The following GCN1 variants were observed in gnomAD, a reference collection of about 807,000 sequenced individuals.
GCN1 encodes the protein GCN1 activator of EIF2AK4.
GCN1 carries 90 observed loss-of-function variants against 288.4 expected under a neutral mutation model. The observed-to-expected ratio is 0.31, with a 90% CI of 0.26 to 0.37. The LOEUF (loss-of-function observed/expected upper bound fraction) is 0.37, where lower values mean the gene tolerates loss of function less well. Among genes scored for constraint, GCN1 ranks in the 10% least tolerant of loss-of-function variants. The pLI is 1.00. For synonymous variants in GCN1, 1,386 were observed against 1,420.2 expected (o/e 0.98, Z 0.54); for missense variants, 2,586 against 3,419.9 (o/e 0.76, Z 6.08).
chr12:120,160,413 A>G, intron 22 of GCN1, 158 bp from the exon 23 acceptor site: 1 of 609,786 alleles, frequency 1.6e-6, no homozygotes, highest in Non-Finnish European at 2.9e-6. Context: ...AACCTCCCAC[A>G]AAGTCCACAG....
At chr12:120,157,069 C>G in intron 26 of GCN1, 77 bp from the exon 27 acceptor site, 3 of 885,898 alleles carry the variant, frequency 3.4e-6, no homozygotes, top group Admixed American at 1.9e-5. Flanking sequence ...GCAGGGCATC[C>G]TCTCACCCAC....
In GCN1 at chr12:120,153,941, G is replaced by A. The variant is rs1273406231; in HGVS notation, c.3702-32C>T. On this transcript the variant is annotated intron_variant, in intron 31 of 57. Transcript: ENST00000300648. The surrounding 1 kb of genome is among the most constrained non-coding windows in gnomAD (Gnocchi z 4.4). ...AAGAAGTGGGAGCACATCAGGAGGG[G>A]CAGTCAGGGGGCCTCCTCTGCCAGT... is the stretch of plus-strand genomic sequence containing the variant. The A allele has an allele frequency of 1.3e-6, 2 of 1,591,272 alleles. No individual in the cohort carries two copies. Among genetic ancestry groups the A allele is most frequent in the South Asian group, 2.2e-5 (2 of 89,160 alleles).
chr12:120,172,612 C>T (rs7312238), intron 14 of GCN1, among the ~76,000 whole-genome samples: 3,798 of 152,068 alleles, frequency 0.025, 162 homozygotes, highest in African/African-American at 0.085. Context: ...TGGGCTCAAG[C>T]GATTCTCCTG....
At chr12:120,136,821 C>T (rs566092339) in intron 50 of GCN1, 89 bp from the exon 51 acceptor site, 1 of 875,060 alleles carries the variant, frequency 1.1e-6, no homozygotes, top group East Asian at 2.6e-5. Flanking sequence ...TGACAGCTGT[C>T]CTCCCCTCAA....
chr12:120,181,138 G>A (rs1318389585), intron 5 of GCN1, among the ~76,000 whole-genome samples: 2 of 152,074 alleles, frequency 1.3e-5, no homozygotes, highest in Admixed American at 6.6e-5. Context: ...AAAACCGTAA[G>A]CAACAGAGGA....
chr12:120,148,207 G>A lies in GCN1; in HGVS notation c.4686C>T (p.Leu1562=), dbSNP rs765861150. Reference sequence around the variant, plus strand: ...TCCTGATAACGGAGCCGATCTGCCTGAGCGCCTGCTGTCCAGCCTTCTGGA... The same window carrying A: ...TCCTGATAACGGAGCCGATCTGCCTAAGCGCCTGCTGTCCAGCCTTCTGGA... ...VKVQKAGQQA[L]RQIGSVIRNP... is the part of the protein sequence containing the mutation. The change falls in exon 37 of 58, where the codon CTC becomes CTT. Residue 1562 remains leucine (L), a synonymous_variant. Coordinates refer to ENST00000300648, the MANE Select transcript of GCN1 (RefSeq NM_006836.2). 6.2e-6 allele frequency: 10 copies of A among 1,614,000 alleles called. No homozygotes were observed. Among genetic ancestry groups the A allele is most frequent in the Non-Finnish European group, 8.5e-6 (10 of 1,179,960 alleles).
chr12:120,145,764 A>G (rs995896160), intron 38 of GCN1, among the ~76,000 whole-genome samples: 3 of 152,240 alleles, frequency 2.0e-5, no homozygotes, highest in African/African-American at 4.8e-5. Context: ...TTTTAAATAC[A>G]GAAAATGCCT....
Position 120,162,891 on chromosome 12 carries a change from C to A in GCN1, c.2119G>T (p.Asp707Tyr). Residue 707 changes from aspartate to tyrosine, a missense_variant, in exon 20 of 58, where the codon GAT becomes TAT. By Grantham distance (160) the Asp-to-Tyr change is radical. Around this residue, in one of 8 missense-constraint regions of GCN1, gnomAD observed 913 missense variants for 1,107.0 expected, o/e 0.82. Transcript: ENST00000300648. ...DPEAFITRHL[D>Y]QIIPRMTTQS... ...GTGGTCATCCTGGGAATGATCTGATCCAGGTGCCTGGTGATAAAGGCTTCA... is the reference window on the plus strand; with the variant it reads ...GTGGTCATCCTGGGAATGATCTGATACAGGTGCCTGGTGATAAAGGCTTCA... The A allele has an allele frequency of 6.2e-7, 1 of 1,614,166 alleles. No homozygotes were observed. The highest frequency in any genetic ancestry group is 1.1e-5 in the South Asian group (1 of 91,088).
At chr12:120,157,250 T>C (rs541432824) in intron 26 of GCN1, 4 of 452,846 alleles carry the variant, frequency 8.8e-6, no homozygotes, top group African/African-American at 5.9e-5. Flanking sequence ...CGTAAATATA[T>C]GAAGAGACAC....
chr12:120,135,867 T>A (rs1368206666), intron 51 of GCN1, among the ~76,000 whole-genome samples: 2 of 151,826 alleles, frequency 1.3e-5, no homozygotes, highest in Non-Finnish European at 2.9e-5. Flanking sequence ...TACAAAAAAA[T>A]TAGCCAGGTG....
chr12:120,185,686 C>T (rs1191049843), intron 2 of GCN1, among the ~76,000 whole-genome samples: 3 of 152,122 alleles, frequency 2.0e-5, no homozygotes, highest in Non-Finnish European at 4.4e-5. Flanking sequence ...CCGCAACCTC[C>T]GCCTCCCAGG....
At chr12:120,128,919 G>A (rs1486591321) in intron 57 of GCN1, among the ~76,000 whole-genome samples, 1 of 135,242 alleles carries the variant, frequency 7.4e-6, no homozygotes, top group Non-Finnish European at 1.5e-5. Flanking sequence ...TCAGCTCACT[G>A]CAACCTCCGT....
At position 120,147,221 on chromosome 12, in the gene GCN1, T is replaced by C; in HGVS notation, c.4778A>G (p.Gln1593Arg). 2 of 1,612,934 alleles carry C rather than the reference T, an allele frequency of 1.2e-6. No homozygotes were observed. The highest frequency in any genetic ancestry group is 2.2e-5 in the South Asian group (2 of 90,918). The change falls in exon 38 of 58, where the codon CAG becomes CGG. Residue 1593 changes from glutamine (Q) to arginine (R), a missense_variant. By Grantham distance (43) the Gln-to-Arg change is conservative (BLOSUM62 1). This residue lies in a region of GCN1 where 371 missense variants were observed against 572.6 expected (regional missense o/e 0.65). Coordinates refer to ENST00000300648, the MANE Select transcript of GCN1 (RefSeq NM_006836.2). The stretch of plus-strand genomic sequence containing the variant: ...GTCCAGCAGGGTCTGCAAGCACTTC[T>C]GGGTCTTCCTGGAGGGATCCGTCAG... ...DALTDPSRKTQKCLQTLLDTK... is the reference protein window; with the variant it reads ...DALTDPSRKTRKCLQTLLDTK...
Position 120,136,682 on chromosome 12 carries a change from G to C in GCN1, c.6828C>G (p.Ser2276Arg), listed in dbSNP as rs1877014286. The C allele has an allele frequency of 6.2e-7, 1 of 1,613,922 alleles. No homozygotes were observed. Among genetic ancestry groups the C allele is most frequent in the African/African-American group, 1.3e-5 (1 of 74,928 alleles). Residue 2276 changes from serine (S) to arginine (R), a missense_variant, in exon 51 of 58, where the codon AGC (serine) becomes AGG (arginine). This residue lies in a region of GCN1 where 437 missense variants were observed against 570.5 expected (regional missense o/e 0.77). Transcript: ENST00000300648. ...TGGCTGCCTCCTCCTTCTGCTCAGG[G>C]CTGCCAGTCAGGACTCCTTCCCGCA... The part of the protein sequence containing the change: ...PVLREGVLTG[S>R]PEQKEEAAKA...
chr12:120,175,058 C>A, intron 12 of GCN1, 104 bp downstream of exon 12: 2 of 936,298 alleles, frequency 2.1e-6, no homozygotes, highest in Non-Finnish European at 3.2e-6. Flanking sequence ...ACCTGGGAGG[C>A]AGAGGTTGCA....
intron 38 of GCN1, 138 bp downstream of exon 38, chr12:120,146,913 AT>A: frequency 4.0e-6 from 2 of 495,940 alleles, no homozygotes; most frequent in Non-Finnish European, 7.0e-6. Context: ...CCACCACAAA[AT>A]GGCTCATTTC....
chr12:120,158,307 T>C lies in GCN1; in HGVS notation c.2905+153A>G, dbSNP rs1877817304. On this transcript the variant is annotated intron_variant, in intron 25 of 57. Transcript: ENST00000300648. This position sits in a 1 kb window ranked among gnomAD's most constrained non-coding sequence, Gnocchi z 4.3. ...AAAGTAAACCCTCAACTGGGCTCACTGCAATTCACAGACTACGAAGGTTCA... is the reference window on the plus strand; with the variant it reads ...AAAGTAAACCCTCAACTGGGCTCACCGCAATTCACAGACTACGAAGGTTCA... Among the ~76,000 whole-genome samples the C allele has an allele frequency of 6.6e-6, 1 of 152,180 alleles. No individual in the cohort carries two copies. Among genetic ancestry groups the C allele is most frequent in the African/African-American group, 2.4e-5 (1 of 41,448 alleles).
chr12:120,137,456 T>TA lies in GCN1; in HGVS notation c.6663+88dup. On this transcript the variant is annotated intron_variant, in intron 49 of 57. Transcript: ENST00000300648. This position sits in a 1 kb window ranked among gnomAD's most constrained non-coding sequence, Gnocchi z 5.2. ...GTAAACGCCGAAGCTGAGTGACAGG[T>TA]ACGTGGGGGATTCTTATAAGTCTAT... 1 of 1,462,438 alleles carries TA rather than the reference T, an allele frequency of 6.8e-7. No homozygotes were observed. 90.6% of individuals were successfully genotyped at this position (1,462,438 alleles called of 1,614,324 possible). A position where few individuals can be genotyped will look rare whatever the true frequency, so the allele number is the denominator to read the frequency against.
At chr12:120,168,770 G>A (rs1878213045) in intron 15 of GCN1, among the ~76,000 whole-genome samples, 6 of 150,968 alleles carry the variant, frequency 4.0e-5, no homozygotes, top group South Asian at 2.1e-4. Context: ...CTCTAATGCC[G>A]CATTTTGTCT....
Sources: gnomAD v4.1 joint callset for allele counts (sites outside exome capture counted in the v4.1 genomes callset) on GRCh38, gnomAD v4.1.1 for gene constraint, gnomAD v4.1.1 regional missense constraint, Gnocchi (gnomAD v3.1) non-coding constraint, MANE v1.5 for transcripts, NCBI Gene and HGNC (gene_info 2026-07-23, HGNC 2026-07-21) for gene names.